Variants in HSF2 observed in about 807,000 individuals in gnomAD.
The protein encoded by HSF2 is heat shock transcription factor 2, also known as heat shock factor protein 2.
HSF2 carries 21 observed loss-of-function variants against 65.0 expected under a neutral mutation model. The ratio of observed to expected loss-of-function variants is 0.32; its 90% CI spans 0.23 to 0.47. The LOEUF is 0.47. Ranked by LOEUF, HSF2 falls within the 20% of genes least tolerant of loss-of-function variation. The probability of loss-of-function intolerance (pLI) is 1.00; values close to 1 mark genes in which losing one functional copy is unlikely to be tolerated. For synonymous variants in HSF2, 225 were observed against 219.1 expected, an observed-to-expected ratio of 1.03 and a Z score of -0.24; for missense variants, 499 against 628.1, an observed-to-expected ratio of 0.79 and a Z score of 2.20.
Position 122,403,454 on chromosome 6 carries a change from G to A in HSF2, c.93+3624G>A, listed in dbSNP as rs45501591. Among the ~76,000 whole-genome samples, 895 of 151,938 alleles carry A rather than the reference G, an allele frequency of 5.9e-3. 2 individuals carry two copies. Among genetic ancestry groups the A allele is most frequent in the Middle Eastern group, 0.017 (5 of 294 alleles). ...AACCCTGTCTCTACAAAAAAATACA[G>A]AAAGTAGCCAGGTATGGTGGCGTGC... On this transcript the variant is annotated intron_variant, in intron 1 of 12. Transcript: ENST00000368455.
At chr6:122,423,061 A>G (rs1774271928) in intron 9 of HSF2, 104 bp downstream of exon 9, 4 of 1,228,906 alleles carry the variant, frequency 3.3e-6, no homozygotes, top group Middle Eastern at 1.9e-4. Context: ...ATGAACCCAC[A>G]TAGTCCACCT....
chr6:122,413,909 T>C (rs111363609), intron 4 of HSF2, among the ~76,000 whole-genome samples: 1 of 152,138 alleles, frequency 6.6e-6, no homozygotes, highest in African/African-American at 2.4e-5. Context: ...GATGTATAAG[T>C]CTTAGCAATA....
At chr6:122,423,123 C>T (rs1337054775) in intron 9 of HSF2, among the ~76,000 whole-genome samples, 166 bp downstream of exon 9, 1 of 152,024 alleles carries the variant, frequency 6.6e-6, no homozygotes. Context: ...TTTAATCATC[C>T]CAAGAATAGT....
At chr6:122,419,138 T>C in intron 5 of HSF2, 30 bp from the exon 6 acceptor site, 1 of 1,052,884 alleles carries the variant, frequency 9.5e-7, no homozygotes, top group Non-Finnish European at 1.5e-6. Context: ...AACAGTATAA[T>C]GAAATAATTT....
intron 1 of HSF2, among the ~76,000 whole-genome samples, chr6:122,406,742 T>A (rs2114423135): frequency 6.6e-6 from 1 of 152,184 alleles, no homozygotes; most frequent in Admixed American, 6.5e-5. Flanking sequence ...CTTTTTGGCA[T>A]ATTAACTTTG....
At chr6:122,400,765 G>A (rs1477361115) in intron 1 of HSF2, among the ~76,000 whole-genome samples, 1 of 152,142 alleles carries the variant, frequency 6.6e-6, no homozygotes, top group African/African-American at 2.4e-5. Flanking sequence ...TACACTCCTA[G>A]GCTGTTGGAA....
At chr6:122,414,946 C>T (rs1204141375) in intron 4 of HSF2, among the ~76,000 whole-genome samples, 1 of 152,106 alleles carries the variant, frequency 6.6e-6, no homozygotes, top group Non-Finnish European at 1.5e-5. Context: ...AAGCAGATAA[C>T]AACATTTTTT....
At chr6:122,409,756 T>G (rs1043329577) in intron 1 of HSF2, among the ~76,000 whole-genome samples, 12 of 151,968 alleles carry the variant, frequency 7.9e-5, no homozygotes, top group African/African-American at 2.4e-4. Flanking sequence ...AGAGTAGAGA[T>G]AGAGTAGGAA....
intron 10 of HSF2, among the ~76,000 whole-genome samples, chr6:122,425,101 C>T (rs763620539): frequency 4.6e-5 from 7 of 151,958 alleles, no homozygotes; most frequent in African/African-American, 7.2e-5. Context: ...TAATCTTTCC[C>T]GTCTGCCTTC....
At chr6:122,400,365 A>G (rs1741820) in intron 1 of HSF2, among the ~76,000 whole-genome samples, 84,488 of 152,052 alleles carry the variant, frequency 0.56, 23,679 homozygotes, top group South Asian at 0.68. Context: ...AGGGCAATAG[A>G]CATACGTTCA....
chr6:122,420,137 C>T lies in HSF2; in HGVS notation c.596C>T (p.Pro199Leu). The change falls in exon 7 of 13, where the codon CCT becomes CTT. Residue 199 changes from proline (P) to leucine (L), a missense_variant and splice_region_variant. Pro to Leu is a moderately conservative substitution (Grantham distance 98). Transcript: ENST00000368455. ...NQLVSLKRKR[P>L]LLLNTNGAQK... The stretch of plus-strand genomic sequence containing the variant: ...CTGCATATTCTTCTGGTTTTCAGGC[C>T]TCTACTTCTAAACACTAATGGAGCC... The T allele has an allele frequency of 6.2e-7, 1 of 1,603,458 alleles. No individual in the cohort carries two copies.
intron 4 of HSF2, 90 bp from the exon 5 acceptor site, chr6:122,416,131 A>G: frequency 1.3e-6 from 1 of 772,554 alleles, no homozygotes; most frequent in South Asian, 1.6e-5. Flanking sequence ...AGTGTAGTTC[A>G]GTTGTCTGGT....
In HSF2 at chr6:122,429,078, CTTCAT is replaced by C. The variant is rs1774402316; in HGVS notation, c.1230+1125_1230+1129del. Among the ~76,000 whole-genome samples the C allele has an allele frequency of 2.6e-5, 4 of 152,188 alleles. No homozygotes were observed. The South Asian group carries it at 8.3e-4, about 32-fold the overall frequency. On this transcript the variant is annotated intron_variant, in intron 11 of 12. Transcript: ENST00000368455. Reference sequence around the variant, plus strand: ...AATGTGTGGTTGTGTTGCAAAAAAACTTCATTTACAGACAGGCAGCATGCTGAATT... The same window carrying C: ...AATGTGTGGTTGTGTTGCAAAAAAACTTACAGACAGGCAGCATGCTGAATT...
intron 7 of HSF2, among the ~76,000 whole-genome samples, chr6:122,420,696 ATTTCTTTTTTTTTT>A (rs1774213155): frequency 9.8e-5 from 2 of 20,404 alleles, no homozygotes; most frequent in South Asian, 3.3e-3. Context: ...TAGTTTATTC[ATTTCTTTTTTTTTT>A]TTTTTTTTTT....
chr6:122,423,979 G>T (rs1453682408), intron 10 of HSF2, among the ~76,000 whole-genome samples: 1 of 151,958 alleles, frequency 6.6e-6, no homozygotes, highest in Admixed American at 6.6e-5. Flanking sequence ...GCTCTTTTCT[G>T]TTTTGCTCTA....
Position 122,422,724 on chromosome 6 carries a change from C to T in HSF2, c.837C>T (p.Ser279=), listed in dbSNP as rs766865019. Residue 279 remains serine (S), a synonymous_variant, in exon 9 of 13, where the codon AGC becomes AGT. Transcript: ENST00000368455. Reference sequence around the variant, plus strand: ...TCTTTTATTGCTGATTTAGCTGTAGCCAGTACCCTGATATTGTCATCGTTG... The same window carrying T: ...TCTTTTATTGCTGATTTAGCTGTAGTCAGTACCCTGATATTGTCATCGTTG... ...EDVISDPSNC[S]QYPDIVIVED... 7.7e-5 allele frequency: 124 copies of T among 1,613,024 alleles called. No homozygotes were observed. The highest frequency in any genetic ancestry group is 1.0e-4 in the Non-Finnish European group (123 of 1,179,360).
Position 122,432,144 on chromosome 6 carries a change from G to A in HSF2, c.1535G>A (p.Ser512Asn). Residue 512 changes from serine to asparagine, a missense_variant, in exon 13 of 13, where the codon AGT (serine) becomes AAT (asparagine). Coordinates refer to ENST00000368455, the MANE Select transcript of HSF2 (RefSeq NM_004506.4). ...RLEPLTEAEA[S>N]EATLFYLCEL... ...GAGCCATTGACTGAAGCTGAAGCTAGTGAAGCTACACTGTTTTATTTATGT... is the reference window on the plus strand; with the variant it reads ...GAGCCATTGACTGAAGCTGAAGCTAATGAAGCTACACTGTTTTATTTATGT... 1 of 1,614,106 alleles carries A rather than the reference G, an allele frequency of 6.2e-7. No homozygotes were observed. The highest frequency in any genetic ancestry group is 2.2e-5 in the East Asian group (1 of 44,872).
chr6:122,423,530 A>AT (rs764619756), intron 9 of HSF2, 51 bp from the exon 10 acceptor site: 2 of 977,002 alleles, frequency 2.0e-6, no homozygotes, highest in Admixed American at 2.1e-5. Context: ...ATTTTTAAAC[A>AT]TAAAAACAAG....
intron 7 of HSF2, among the ~76,000 whole-genome samples, chr6:122,420,696 A>ATTTTTTTTTTTT (rs1353831309): frequency 4.9e-5 from 1 of 20,380 alleles, no homozygotes; most frequent in Non-Finnish European, 1.1e-4. Flanking sequence ...TAGTTTATTC[A>ATTTTTTTTTTTT]TTTCTTTTTT....
Sources: allele counts gnomAD v4.1 joint callset (sites outside exome capture counted in the v4.1 genomes callset), GRCh38; gene constraint gnomAD v4.1.1; transcripts MANE v1.5; gene names NCBI Gene and HGNC (gene_info 2026-07-23, HGNC 2026-07-21).